Variants in ANKRD40 observed in about 807,000 individuals in gnomAD.
ANKRD40 encodes the protein ankyrin repeat domain 40.
A neutral mutation model predicts 35.5 loss-of-function variants in ANKRD40; 24 were observed. That is an observed-to-expected ratio of 0.68 (90% CI 0.49 to 0.95). The LOEUF (loss-of-function observed/expected upper bound fraction) is 0.95, where lower values mean the gene tolerates loss of function less well. Ranked by LOEUF, ANKRD40 falls within the 40% of genes least tolerant of loss-of-function variation. The pLI is 0.00. For synonymous variants in ANKRD40, 147 were observed against 173.5 expected (o/e 0.85, Z 1.20); for missense variants, 361 against 436.0 (o/e 0.83, Z 1.53).
chr17:50,698,162 A>G (rs1373192411), intron 3 of ANKRD40, among the ~76,000 whole-genome samples: 1 of 151,788 alleles, frequency 6.6e-6, no homozygotes, highest in East Asian at 1.9e-4. Context: ...TTCTCCACCA[A>G]AAAGAACCAG....
At position 50,695,929 on chromosome 17, in the gene ANKRD40, A is replaced by G. The variant is rs1968195547; in HGVS notation, c.*68T>C. ...CCGGGCATCTGAGGCATTTAGATCA[A>G]TGGCTTGTCCTTGGCCCAGAGGTGA... On this transcript the variant is annotated 3_prime_UTR_variant, in exon 5 of 5. Coordinates refer to ENST00000285243, the MANE Select transcript of ANKRD40 (RefSeq NM_052855.4). 6.3e-7 allele frequency: 1 copy of G among 1,576,486 alleles called. No individual in the cohort carries two copies. Among genetic ancestry groups the G allele is most frequent in the Non-Finnish European group, 8.6e-7 (1 of 1,157,130 alleles).
In ANKRD40 at chr17:50,696,374, G is replaced by A. The variant is rs539381116; in HGVS notation, c.961-231C>T. Among the ~76,000 whole-genome samples, 15 of 152,328 alleles carry A rather than the reference G, an allele frequency of 9.8e-5. No homozygotes were observed. The Middle Eastern group carries it at 0.01, about 104-fold the overall frequency. On this transcript the variant is annotated intron_variant, in intron 4 of 4. Coordinates refer to ENST00000285243, the MANE Select transcript of ANKRD40 (RefSeq NM_052855.4). ...CTGCGACAGCATGAGCACACACTGC[G>A]AAGGGAGAGGCAATGCACAGATCAG...
chr17:50,698,708 G>C (rs1046624280), intron 3 of ANKRD40, among the ~76,000 whole-genome samples: 3 of 152,132 alleles, frequency 2.0e-5, no homozygotes. Context: ...AGTACAGACA[G>C]TACGTATAGT....
intron 1 of ANKRD40, among the ~76,000 whole-genome samples, chr17:50,706,153 G>A (rs993399204): frequency 1.4e-5 from 2 of 145,960 alleles, no homozygotes; most frequent in African/African-American, 5.1e-5. Flanking sequence ...GTAGAGTCTT[G>A]CTCTGTCGCC....
At chr17:50,704,281 G>A (rs369379193) in intron 1 of ANKRD40, among the ~76,000 whole-genome samples, 2 of 152,098 alleles carry the variant, frequency 1.3e-5, no homozygotes, top group South Asian at 2.1e-4. Context: ...TTGGGAGGCC[G>A]AGGCGGGCAG....
At position 50,698,236 on chromosome 17, in the gene ANKRD40, A is replaced by G. The variant is rs535412204; in HGVS notation, c.779-1115T>C. The stretch of plus-strand genomic sequence containing the variant: ...GGAAAAGTTATGCTATAAGCCCGGA[A>G]CATCTTGCTGCCCCAGAAAGTAAGG... On this transcript the variant is annotated intron_variant, in intron 3 of 4. Coordinates refer to ENST00000285243, the MANE Select transcript of ANKRD40 (RefSeq NM_052855.4). 1.3e-4 allele frequency among the ~76,000 whole-genome samples: 20 copies of G among 152,228 alleles called. No individual in the cohort carries two copies. The East Asian group carries it at 3.3e-3, about 25-fold the overall frequency.
chr17:50,696,536 A>G (rs1968202373), intron 4 of ANKRD40: 1 of 223,170 alleles, frequency 4.5e-6, no homozygotes, highest in Non-Finnish European at 8.8e-6. Context: ...CACATCTAGT[A>G]GTGCACTAAG....
In ANKRD40 at chr17:50,694,375, T is replaced by C. The variant is rs182450947; in HGVS notation, c.*1622A>G. ...AGGAGGCCATTATCTTAGCACAACA[T>C]TCTCTTCTGTTGACATCTTCTGCAC... On this transcript the variant is annotated 3_prime_UTR_variant, in exon 5 of 5. Coordinates refer to ENST00000285243, the MANE Select transcript of ANKRD40 (RefSeq NM_052855.4). 6.6e-6 allele frequency: 1 copy of C among 152,300 alleles called. No homozygotes were observed. Among genetic ancestry groups the C allele is most frequent in the Admixed American group, 6.5e-5 (1 of 15,304 alleles). The allele number at this position is 152,300 out of a possible 1,614,324, so 9.4% of individuals were successfully genotyped here.
intron 3 of ANKRD40, 103 bp from the exon 4 acceptor site, chr17:50,697,224 G>C (rs8075158): frequency 2.6e-6 from 3 of 1,134,284 alleles, no homozygotes; most frequent in African/African-American, 3.1e-5. Flanking sequence ...CATGCCAAAG[G>C]TCTGTGCATG....
intron 1 of ANKRD40, among the ~76,000 whole-genome samples, chr17:50,705,409 GC>G (rs1273779268): frequency 3.0e-5 from 4 of 133,576 alleles, no homozygotes; most frequent in Non-Finnish European, 4.7e-5. Flanking sequence ...CAGCAAGTTT[GC>G]AAAGACCTGT....
rs181428294 is a variant in ANKRD40 at position 50,699,235 on chromosome 17, G to A, written c.778+164C>T. Among the ~76,000 whole-genome samples the A allele has an allele frequency of 3.3e-5, 5 of 152,180 alleles. No individual in the cohort carries two copies. In the East Asian group the frequency reaches 9.7e-4, roughly 29 times the overall value. ...AATACTGAAGGGTATCAGGGTAAAA[G>A]GGCAAAAGGTAAACAATTTGTGAAT... On this transcript the variant is annotated intron_variant, in intron 3 of 4. Coordinates refer to ENST00000285243, the MANE Select transcript of ANKRD40 (RefSeq NM_052855.4).
Position 50,699,479 on chromosome 17 carries a change from G to A in ANKRD40, c.698C>T (p.Pro233Leu), listed in dbSNP as rs1301201708. 4 of 1,614,198 alleles carry A rather than the reference G, an allele frequency of 2.5e-6. No homozygotes were observed. Among genetic ancestry groups the A allele is most frequent in the Non-Finnish European group, 3.4e-6 (4 of 1,180,030 alleles). The change falls in exon 3 of 5, where the codon CCT (proline) becomes CTT (leucine). Residue 233 changes from proline to leucine, a missense_variant. By Grantham distance (98) the Pro-to-Leu change is moderately conservative (BLOSUM62 -3). Coordinates refer to ENST00000285243, the MANE Select transcript of ANKRD40 (RefSeq NM_052855.4). ...TGGTCCTGCATACGTCCCATTTTGA[G>A]GCTCCAGAGACATTGGTGGCTTGGA... ...VPSKPPMSLE[P>L]QNGTYAGPAP...
Position 50,700,561 on chromosome 17 carries a change from G to A in ANKRD40, c.283+7C>T. The stretch of plus-strand genomic sequence containing the variant: ...GAAATCAAAAGTTCCCCCAAACACA[G>A]ACTCACCTCCCATAATCTTCCTGAT... On this transcript the variant is annotated splice_region_variant and intron_variant, in intron 2 of 4. Transcript: ENST00000285243. 3 of 1,613,152 alleles carry A rather than the reference G, an allele frequency of 1.9e-6. No homozygotes were observed. Among genetic ancestry groups the A allele is most frequent in the Non-Finnish European group, 2.5e-6 (3 of 1,179,520 alleles).
intron 3 of ANKRD40, 128 bp downstream of exon 3, chr17:50,699,271 G>T: frequency 7.9e-7 from 1 of 1,261,442 alleles, no homozygotes; most frequent in Non-Finnish European, 1.1e-6. Context: ...TTGAGTAAAG[G>T]GAGTTCCTTA....
Position 50,707,375 on chromosome 17 carries a change from G to T in ANKRD40, c.134+146C>A. ...CGCACGAGGCATGGGGGCCAGGGCT[G>T]GCCTCAAGAGAGCACAATCTCGGAG... On this transcript the variant is annotated intron_variant, in intron 1 of 4. Coordinates refer to ENST00000285243, the MANE Select transcript of ANKRD40 (RefSeq NM_052855.4). The surrounding 1 kb of genome is among the most constrained non-coding windows in gnomAD (Gnocchi z 4.8). 8.1e-7 allele frequency: 1 copy of T among 1,236,066 alleles called. No individual in the cohort carries two copies. Among genetic ancestry groups the T allele is most frequent in the Non-Finnish European group, 1.1e-6 (1 of 911,310 alleles). The allele number at this position is 1,236,066 out of a possible 1,614,324, so 76.6% of individuals were successfully genotyped here. A position where few individuals can be genotyped will look rare whatever the true frequency, so the allele number is the denominator to read the frequency against.
chr17:50,702,821 G>C (rs1350709137), intron 1 of ANKRD40, among the ~76,000 whole-genome samples: 2 of 152,292 alleles, frequency 1.3e-5, no homozygotes, highest in East Asian at 3.9e-4. Context: ...GTCCAGAGCT[G>C]TGCGGCTCTG....
In ANKRD40 at chr17:50,695,285, G is replaced by C. The variant is rs187507260; in HGVS notation, c.*712C>G. On this transcript the variant is annotated 3_prime_UTR_variant, in exon 5 of 5. Coordinates refer to ENST00000285243, the MANE Select transcript of ANKRD40 (RefSeq NM_052855.4). ...CATCAGAGAGCCCTCTAGTGACCACGAAGGGGAGTTAATGCAGAGATGACT... is the reference window on the plus strand; with the variant it reads ...CATCAGAGAGCCCTCTAGTGACCACCAAGGGGAGTTAATGCAGAGATGACT... The C allele has an allele frequency of 6.6e-6, 1 of 152,380 alleles. No homozygotes were observed. Among genetic ancestry groups the C allele is most frequent in the Non-Finnish European group, 1.5e-5 (1 of 68,158 alleles). The allele number at this position is 152,380 out of a possible 1,614,324, so 9.4% of individuals were successfully genotyped here. A position where few individuals can be genotyped will look rare whatever the true frequency, so the allele number is the denominator to read the frequency against.
chr17:50,702,322 C>T (rs1245330257), intron 1 of ANKRD40, among the ~76,000 whole-genome samples: 1 of 152,080 alleles, frequency 6.6e-6, no homozygotes, highest in Non-Finnish European at 1.5e-5. Flanking sequence ...ATTGCTTGAA[C>T]CCAGGAGGTG....
chr17:50,705,417 C>T (rs909361007), intron 1 of ANKRD40, among the ~76,000 whole-genome samples: 38 of 109,890 alleles, frequency 3.5e-4, no homozygotes, highest in South Asian at 1.0e-3. Flanking sequence ...TTGCAAAGAC[C>T]TGTAAAAAAA....
Sources: gnomAD v4.1 joint callset for allele counts (sites outside exome capture counted in the v4.1 genomes callset) on GRCh38, gnomAD v4.1.1 for gene constraint, Gnocchi (gnomAD v3.1) non-coding constraint, MANE v1.5 for transcripts, NCBI Gene and HGNC (gene_info 2026-07-23, HGNC 2026-07-21) for gene names.